The following PAX5 variants were observed in gnomAD, a reference collection of about 807,000 sequenced individuals.
PAX5 encodes paired box protein Pax-5.
A neutral mutation model predicts 43.7 loss-of-function variants in PAX5; 9 were observed. That is an observed-to-expected ratio of 0.21 (90% confidence interval 0.12 to 0.36). The LOEUF is 0.36. PAX5 is among the 10% of genes least tolerant of loss of function. PAX5 has a pLI of 1.00. For missense variants in PAX5, 383 were observed against 532.7 expected (o/e 0.72, Z 2.77); for synonymous variants, 228 against 214.3 (o/e 1.06, Z -0.56).
intron 5 of PAX5, among the ~76,000 whole-genome samples, chr9:36,976,530 G>A (rs1426844319): frequency 2.0e-5 from 3 of 152,172 alleles, no homozygotes; most frequent in Non-Finnish European, 2.9e-5. Context: ...AGGGTGGCCA[G>A]GCTCTAAATG....
In PAX5 at chr9:36,889,944, G is replaced by C. The variant is rs550795089; in HGVS notation, c.911-7839C>G. Among the ~76,000 whole-genome samples the C allele has an allele frequency of 1.1e-3, 125 of 114,576 alleles. 1 individual carries two copies. The East Asian group carries it at 0.02, about 19-fold the overall frequency. 75.2% of individuals were successfully genotyped at this position (114,576 alleles called of 152,430 possible). ...AGGCTCTCTCTATGTACACTAACGG[G>C]GGGGGGGGGAATGTGAATCCAATTA... On this transcript the variant is annotated intron_variant, in intron 7 of 9. Coordinates refer to ENST00000358127, the MANE Select transcript of PAX5 (RefSeq NM_016734.3).
chr9:36,911,284 G>C (rs1829260940), intron 7 of PAX5, among the ~76,000 whole-genome samples: 1 of 152,164 alleles, frequency 6.6e-6, no homozygotes, highest in Non-Finnish European at 1.5e-5. Flanking sequence ...AGCCCAATAA[G>C]CTGTAACTAC....
intron 8 of PAX5, among the ~76,000 whole-genome samples, chr9:36,863,854 C>T (rs1353222868): frequency 2.0e-5 from 3 of 152,206 alleles, no homozygotes; most frequent in South Asian, 2.1e-4. Flanking sequence ...CTCACGCCTC[C>T]AATCCCAGTA....
intron 6 of PAX5, among the ~76,000 whole-genome samples, chr9:36,947,695 C>T (rs560317227): frequency 3.9e-5 from 6 of 152,142 alleles, no homozygotes; most frequent in Admixed American, 1.3e-4. Flanking sequence ...TATATTTGTA[C>T]GCATATGTGT....
In PAX5 at chr9:36,839,414, G is replaced by A. The variant is rs890378055; in HGVS notation, c.*1146C>T. 5 of 233,668 alleles carry A rather than the reference G, an allele frequency of 2.1e-5. No individual in the cohort carries two copies. Among genetic ancestry groups the A allele is most frequent in the Non-Finnish European group, 4.2e-5 (5 of 118,438 alleles). 14.5% of individuals were successfully genotyped at this position (233,668 alleles called of 1,614,324 possible). A position where few individuals can be genotyped will look rare whatever the true frequency, so the allele number is the denominator to read the frequency against. On this transcript the variant is annotated 3_prime_UTR_variant, in exon 10 of 10. Transcript: ENST00000358127. ...GCTGCCTGCTAAGCTCCACGAGGAC[G>A]GGGAGGGTCTGCCCCGAGAGGATGC...
At chr9:37,017,679 C>T (rs1204315993) in intron 2 of PAX5, among the ~76,000 whole-genome samples, 1 of 152,126 alleles carries the variant, frequency 6.6e-6, no homozygotes, top group Admixed American at 6.5e-5. Flanking sequence ...AGCTGAAGGT[C>T]CCCCCCAGCC....
intron 5 of PAX5, 100 bp from the exon 6 acceptor site, chr9:36,966,824 C>T (rs1834484598): frequency 9.6e-7 from 1 of 1,047,092 alleles, no homozygotes; most frequent in Non-Finnish European, 1.4e-6. Context: ...CTGACCCCAA[C>T]TCCCTCCCTG....
At chr9:36,873,853 G>A (rs977155715) in intron 8 of PAX5, among the ~76,000 whole-genome samples, 1 of 152,204 alleles carries the variant, frequency 6.6e-6, no homozygotes, top group South Asian at 2.1e-4. Flanking sequence ...TCTGAATCCT[G>A]TTCACTACTC....
At chr9:36,964,875 T>C (rs1274795300) in intron 6 of PAX5, among the ~76,000 whole-genome samples, 1 of 152,156 alleles carries the variant, frequency 6.6e-6, no homozygotes, top group African/African-American at 2.4e-5. Flanking sequence ...ACTCGACTTG[T>C]AAGAGAAAGA....
intron 6 of PAX5, among the ~76,000 whole-genome samples, chr9:36,935,394 CAA>C (rs36005725): frequency 0.81 from 123,261 of 151,322 alleles, 50,905 homozygotes; most frequent in East Asian, 0.92. Context: ...AGCAAACAAA[CAA>C]AAAAAAAAAT....
At chr9:37,009,043 A>G (rs1838709601) in intron 3 of PAX5, among the ~76,000 whole-genome samples, 1 of 152,236 alleles carries the variant, frequency 6.6e-6, no homozygotes. Context: ...AATATATGGC[A>G]AAAAAGTCAC....
intron 8 of PAX5, among the ~76,000 whole-genome samples, chr9:36,864,089 T>TGA (rs1824547410): frequency 1.3e-5 from 2 of 152,310 alleles, no homozygotes; most frequent in South Asian, 2.1e-4. Flanking sequence ...AGCCTGGGCA[T>TGA]CAGAGCGAGA....
At chr9:36,936,509 C>T (rs1236868040) in intron 6 of PAX5, among the ~76,000 whole-genome samples, 1 of 152,150 alleles carries the variant, frequency 6.6e-6, no homozygotes, top group African/African-American at 2.4e-5. Flanking sequence ...GCCATTACCT[C>T]CAAGGGAGTG....
intron 8 of PAX5, among the ~76,000 whole-genome samples, chr9:36,880,391 T>G (rs1826304749): frequency 6.6e-6 from 1 of 152,200 alleles, no homozygotes; most frequent in Non-Finnish European, 1.5e-5. Context: ...GGGAAGAGAC[T>G]TGGGCCTATT....
At chr9:37,026,715 C>G in intron 1 of PAX5, 1 of 1,286,180 alleles carries the variant, frequency 7.8e-7, no homozygotes, top group Admixed American at 3.0e-5. Context: ...GCTTCGGGGT[C>G]TCTCTCAGAG....
intron 5 of PAX5, among the ~76,000 whole-genome samples, chr9:36,973,841 A>C (rs955560813): frequency 6.6e-6 from 1 of 152,214 alleles, no homozygotes; most frequent in African/African-American, 2.4e-5. Flanking sequence ...CCCCGTCTCT[A>C]CTAAAAATAC....
intron 8 of PAX5, among the ~76,000 whole-genome samples, chr9:36,851,508 C>T (rs536532389): frequency 6.2e-4 from 94 of 152,252 alleles, no homozygotes; most frequent in African/African-American, 2.0e-3. Flanking sequence ...AAGAATGTCC[C>T]GAGAAGCCTG....
At chr9:36,912,737 G>A (rs375143111) in intron 7 of PAX5, among the ~76,000 whole-genome samples, 2 of 152,138 alleles carry the variant, frequency 1.3e-5, no homozygotes, top group East Asian at 1.9e-4. Flanking sequence ...GAGGAAGGCT[G>A]GGACTCGCCA....
intron 7 of PAX5, among the ~76,000 whole-genome samples, chr9:36,908,346 G>C (rs899409317): frequency 6.6e-6 from 1 of 151,950 alleles, no homozygotes; most frequent in Non-Finnish European, 1.5e-5. Context: ...AGAAGCAACT[G>C]TCCCTTCCTT....
Sources: gnomAD v4.1 joint callset for allele counts (sites outside exome capture counted in the v4.1 genomes callset) on GRCh38, gnomAD v4.1.1 for gene constraint, MANE v1.5 for transcripts, NCBI Gene and HGNC (gene_info 2026-07-23, HGNC 2026-07-21) for gene names.